FLG2: variants seen among roughly 807,000 people sequenced by gnomAD.
FLG2 encodes filaggrin-2.
A neutral mutation model predicts 3.9 loss-of-function variants in FLG2; 7 were observed. That is an observed-to-expected ratio of 1.79 (90% CI 1.02 to 3.36). The LOEUF (loss-of-function observed/expected upper bound fraction) is 3.36, where lower values mean the gene tolerates loss of function less well. Ranked by LOEUF, FLG2 falls within the 30% of genes most tolerant of loss-of-function variation. The pLI, the probability that FLG2 is intolerant of heterozygous loss-of-function variation, is 0.00. For synonymous variants in FLG2, 1,031 were observed against 1,056.1 expected (o/e 0.98, Z 0.46); for missense variants, 2,700 against 2,809.4 (o/e 0.96, Z 0.88).
In FLG2 at chr1:152,352,067, G is replaced by A; in HGVS notation, c.5719C>T (p.Gln1907Ter). 1 of 1,613,526 alleles carries A rather than the reference G, an allele frequency of 6.2e-7. No homozygotes were observed. The highest frequency in any genetic ancestry group is 8.5e-7 in the Non-Finnish European group (1 of 1,179,896). ...SGHTHSQARS[Q>*]HGESESTVHK... ...ACTGTGGATTCTGACTCTCCATGTT[G>A]AGACCTGGCTTGGCTGTGTGTGTGT... The change falls in exon 3 of 3, where the codon CAA becomes TAA. Residue 1907 changes from glutamine to a stop codon, truncating the protein, a stop_gained. Coordinates refer to ENST00000388718, the MANE Select transcript of FLG2 (RefSeq NM_001014342.3). LOFTEE classifies it low-confidence loss of function (END_TRUNC).
Position 152,351,850 on chromosome 1 carries a change from G to T in FLG2, c.5936C>A (p.Ala1979Asp), listed in dbSNP as rs1164692895. Residue 1979 changes from alanine (A) to aspartate (D), a missense_variant, in exon 3 of 3, where the codon GCT becomes GAT. Physicochemically the swap from Ala to Asp is moderately radical, Grantham distance 126. Transcript: ENST00000388718. ...TCCTGACTCTGGATAGTGAGATCCAGCTTGACCGTGAGTGTGTCCTGAATG... is the reference window on the plus strand; with the variant it reads ...TCCTGACTCTGGATAGTGAGATCCATCTTGACCGTGAGTGTGTCCTGAATG... ...HTHSGHTHGQAGSHYPESGSS... is the reference protein window; with the variant it reads ...HTHSGHTHGQDGSHYPESGSS... The T allele has an allele frequency of 8.1e-6, 13 of 1,612,572 alleles. No individual in the cohort carries two copies. Among genetic ancestry groups the T allele is most frequent in the Non-Finnish European group, 1.1e-5 (13 of 1,179,762 alleles).
rs188198910 is a variant in FLG2, at chr1:152,352,834, G to T, written c.4952C>A (p.Ser1651Tyr). 19 of 1,613,788 alleles carry T rather than the reference G, an allele frequency of 1.2e-5. No individual in the cohort carries two copies. Among genetic ancestry groups the T allele is most frequent in the East Asian group, 4.5e-5 (2 of 44,832 alleles). ...RGSRTTGRQR[S>Y]SHSESSDSEV... ...ACTGTCACTGGACTCACTGTGGCTA[G>T]ATCTCTGTCTTCCAGTTGTCCTGGA... is the stretch of plus-strand genomic sequence containing the variant. Residue 1651 changes from serine (S) to tyrosine (Y), a missense_variant, in exon 3 of 3, where the codon TCT becomes TAT. Ser to Tyr is a moderately radical substitution (Grantham distance 144). Transcript: ENST00000388718.
At position 152,357,111 on chromosome 1, in the gene FLG2, A is replaced by G; in HGVS notation, c.675T>C (p.Ser225=). ...PSRESGEEYE[S]GSGSNSWERK... ...TTTCCCAACTGTTTGATCCAGATCC[A>G]GATTCATACTCCTCCCCAGATTCCC... Residue 225 remains serine (S), a synonymous_variant, in exon 3 of 3, where the codon TCT becomes TCC. Transcript: ENST00000388718. 1.2e-6 allele frequency: 2 copies of G among 1,614,182 alleles called. No homozygotes were observed. Among genetic ancestry groups the G allele is most frequent in the Non-Finnish European group, 1.7e-6 (2 of 1,180,030 alleles).
In FLG2 at chr1:152,354,823, C is replaced by CT; in HGVS notation, c.2962_2963insA (p.Gly988GlufsTer4). 6.2e-7 allele frequency: 1 copy of CT among 1,612,872 alleles called. No homozygotes were observed. The highest frequency in any genetic ancestry group is 8.5e-7 in the Non-Finnish European group (1 of 1,179,740). ...CTGACTTGATCTAGACTCATGCTGT[C>CT]CAAAGCCAGAGGATTTTCCTGAGCC... On this transcript the variant is annotated frameshift_variant, in exon 3 of 3. Transcript: ENST00000388718. LOFTEE classifies it low-confidence loss of function (END_TRUNC).
chr1:152,350,513 G>A lies in FLG2; in HGVS notation c.*97C>T. 1.4e-6 allele frequency: 2 copies of A among 1,432,576 alleles called. No individual in the cohort carries two copies. Among genetic ancestry groups the A allele is most frequent in the South Asian group, 1.4e-5 (1 of 71,324 alleles). The allele number at this position is 1,432,576 out of a possible 1,614,324, so 88.7% of individuals were successfully genotyped here. A position where few individuals can be genotyped will look rare whatever the true frequency, so the allele number is the denominator to read the frequency against. ...GACTGATACTGAGAATCAACTGAAT[G>A]TTCATAACTTACCATTGACTGTTCA... On this transcript the variant is annotated 3_prime_UTR_variant, in exon 3 of 3. Coordinates refer to ENST00000388718, the MANE Select transcript of FLG2 (RefSeq NM_001014342.3).
chr1:152,351,246 G>A lies in FLG2; in HGVS notation c.6540C>T (p.His2180=). Residue 2180 remains histidine, a synonymous_variant, in exon 3 of 3, where the codon CAC becomes CAT. Coordinates refer to ENST00000388718, the MANE Select transcript of FLG2 (RefSeq NM_001014342.3). ...GCACTTCACTATCACTGGACTCACT[G>A]TGACTAGATCTTTGTCTTCCAGTTG... ...SRTTGRQRSS[H]SESSDSEVHS... 1 of 1,613,488 alleles carries A rather than the reference G, an allele frequency of 6.2e-7. No homozygotes were observed. Among genetic ancestry groups the A allele is most frequent in the Non-Finnish European group, 8.5e-7 (1 of 1,179,910 alleles).
At position 152,355,579 on chromosome 1, in the gene FLG2, C is replaced by T. The variant is rs572992221; in HGVS notation, c.2207G>A (p.Gly736Glu). ...SGQSSSFGQH[G>E]SGSGQSSGFG... is the part of the protein sequence containing the mutation. ...GCCAGAGGACTGACCTGAGCCTGAT[C>T]CATGTTGGCCAAAGCTGGAAGACTG... The change falls in exon 3 of 3, where the codon GGA becomes GAA. Residue 736 changes from glycine to glutamate, a missense_variant. Coordinates refer to ENST00000388718, the MANE Select transcript of FLG2 (RefSeq NM_001014342.3). 18 of 1,613,496 alleles carry T rather than the reference C, an allele frequency of 1.1e-5. No individual in the cohort carries two copies. The African/African-American group carries it at 1.6e-4, about 14-fold the overall frequency.
In FLG2 at chr1:152,353,961, G is replaced by A. The variant is rs549569745; in HGVS notation, c.3825C>T (p.Asn1275=). 4.3e-6 allele frequency: 7 copies of A among 1,614,236 alleles called. No individual in the cohort carries two copies. The East Asian group carries it at 1.6e-4, about 36-fold the overall frequency. Residue 1275 remains asparagine, a synonymous_variant, in exon 3 of 3, where the codon AAC becomes AAT. Coordinates refer to ENST00000388718, the MANE Select transcript of FLG2 (RefSeq NM_001014342.3). ...TRRRRSSQSE[N]SDSEVHSKVS... is the part of the protein sequence containing the mutation. ...CCTTTGAGTGCACTTCACTGTCACTGTTCTCACTTTGGCTAGATCTTCGTC... is the reference window on the plus strand; with the variant it reads ...CCTTTGAGTGCACTTCACTGTCACTATTCTCACTTTGGCTAGATCTTCGTC...
Position 152,353,880 on chromosome 1 carries a change from C to A in FLG2, c.3906G>T (p.Lys1302Asn). Residue 1302 changes from lysine to asparagine, a missense_variant, in exon 3 of 3, where the codon AAG becomes AAT. By Grantham distance (94) the Lys-to-Asn change is moderately conservative. Coordinates refer to ENST00000388718, the MANE Select transcript of FLG2 (RefSeq NM_001014342.3). Reference protein sequence around the residue: ...IHTQAGSHYPKSGSTVRRRQG... With the variant: ...IHTQAGSHYPNSGSTVRRRQG... ...GTCTTCTGCGAACTGTGGATCCTGACTTTGGGTAGTGAGATCCAGCTTGTG... is the reference window on the plus strand; with the variant it reads ...GTCTTCTGCGAACTGTGGATCCTGAATTTGGGTAGTGAGATCCAGCTTGTG... The A allele has an allele frequency of 6.2e-7, 1 of 1,614,028 alleles. No homozygotes were observed. The highest frequency in any genetic ancestry group is 8.5e-7 in the Non-Finnish European group (1 of 1,179,968).
Position 152,357,664 on chromosome 1 carries a change from C to G in FLG2, c.139-17G>C, listed in dbSNP as rs779663652. On this transcript the variant is annotated splice_polypyrimidine_tract_variant and intron_variant, in intron 2 of 2. Transcript: ENST00000388718. Reference sequence around the variant, plus strand: ...ATCTGGGTTCTGTATATGAGTGACACACCAAGGGAGACCTGGTCAGCCTAA... The same window carrying G: ...ATCTGGGTTCTGTATATGAGTGACAGACCAAGGGAGACCTGGTCAGCCTAA... The G allele has an allele frequency of 1.3e-6, 2 of 1,588,722 alleles. No individual in the cohort carries two copies. The highest frequency in any genetic ancestry group is 2.3e-5 in the South Asian group (2 of 87,794).
chr1:152,355,364 C>G lies in FLG2; in HGVS notation c.2422G>C (p.Gly808Arg), dbSNP rs745843797. Reference protein sequence around the residue: ...GSGSSQSTGFGQYGSGSGQSA... With the variant: ...GSGSSQSTGFRQYGSGSGQSA... ...TGACCTGAGCCTGATCCATATTGGC[C>G]AAAGCCAGTGGATTGACTTGAGCCT... The change falls in exon 3 of 3, where the codon GGC (glycine) becomes CGC (arginine). Residue 808 changes from glycine to arginine, a missense_variant. Coordinates refer to ENST00000388718, the MANE Select transcript of FLG2 (RefSeq NM_001014342.3). The G allele has an allele frequency of 7.4e-6, 12 of 1,613,718 alleles. No homozygotes were observed. In the East Asian group the frequency reaches 2.5e-4, roughly 33 times the overall value.
chr1:152,355,214 A>G lies in FLG2; in HGVS notation c.2572T>C (p.Tyr858His). 1 of 1,610,452 alleles carries G rather than the reference A, an allele frequency of 6.2e-7. No individual in the cohort carries two copies. The highest frequency in any genetic ancestry group is 1.1e-5 in the South Asian group (1 of 90,558). Reference protein sequence around the residue: ...HGSGSSQSSGYGQHGSSSGQT... With the variant: ...HGSGSSQSSGHGQHGSSSGQT... ...CCCGAACTTGACCCATGTTGACCAT[A>G]GCCAGATGATTGACTTGAGCCAGAA... is the stretch of plus-strand genomic sequence containing the variant. Residue 858 changes from tyrosine to histidine, a missense_variant, in exon 3 of 3, where the codon TAT (tyrosine) becomes CAT (histidine). Transcript: ENST00000388718.
Position 152,356,739 on chromosome 1 carries a change from GGACT to G in FLG2, c.1043_1046del (p.Gln348ProfsTer88), listed in dbSNP as rs770403917. ...TAGCTCCATATCCTCTCTGACTATA[GGACT>G]GACTACAGGGGTTAGACTCAGGTTG... is the stretch of plus-strand genomic sequence containing the variant. On this transcript the variant is annotated frameshift_variant, in exon 3 of 3. Transcript: ENST00000388718. LOFTEE classifies it low-confidence loss of function (END_TRUNC). 5.3e-5 allele frequency: 86 copies of G among 1,614,002 alleles called. No individual in the cohort carries two copies. The Admixed American group carries it at 1.4e-3, about 26-fold the overall frequency.
intron 1 of FLG2, among the ~76,000 whole-genome samples, chr1:152,359,673 A>G (rs1486296372): frequency 6.6e-6 from 1 of 152,188 alleles, no homozygotes; most frequent in Non-Finnish European, 1.5e-5. Flanking sequence ...AAAAGAGGGC[A>G]TGGAAAAAGA....
Position 152,354,400 on chromosome 1 carries a change from C to T in FLG2, c.3386G>A (p.Gly1129Glu). 1 of 1,614,018 alleles carries T rather than the reference C, an allele frequency of 6.2e-7. No individual in the cohort carries two copies. The change falls in exon 3 of 3, where the codon GGA (glycine) becomes GAA (glutamate). Residue 1129 changes from glycine to glutamate, a missense_variant. Physicochemically the swap from Gly to Glu is moderately conservative, Grantham distance 98. Coordinates refer to ENST00000388718, the MANE Select transcript of FLG2 (RefSeq NM_001014342.3). ...TTTACCTGTGCCTGACCCATGTTGT[C>T]CAAAGCCAGAAGACTGACCTGAGCC... ...GSGSGQSSGFGQHGSGTGKSS... is the reference protein window; with the variant it reads ...GSGSGQSSGFEQHGSGTGKSS...
rs1292533164 is a variant in FLG2 at position 152,354,779 on chromosome 1, C to G, written c.3007G>C (p.Gly1003Arg). Reference protein sequence around the residue: ...RSSQSNYGQHGSGSSQSSGYG... With the variant: ...RSSQSNYGQHRSGSSQSSGYG... ...CCAGATGACTGACTTGAGCCAGAAC[C>G]ATGTTGGCCATAATTAGACTGACTT... Residue 1003 changes from glycine to arginine, a missense_variant, in exon 3 of 3, where the codon GGT (glycine) becomes CGT (arginine). Physicochemically the swap from Gly to Arg is moderately radical, Grantham distance 125. Coordinates refer to ENST00000388718, the MANE Select transcript of FLG2 (RefSeq NM_001014342.3). 1.2e-6 allele frequency: 2 copies of G among 1,613,428 alleles called. No homozygotes were observed.
At chr1:152,358,989 AT>A (rs1570946468) in intron 1 of FLG2, 83 bp from the exon 2 acceptor site, 3 of 1,312,324 alleles carry the variant, frequency 2.3e-6, no homozygotes, top group Non-Finnish European at 3.1e-6. Context: ...AACCAGCATG[AT>A]TTTTTTAACC....
intron 2 of FLG2, 24 bp downstream of exon 2, chr1:152,358,723 T>C (rs753642962): frequency 6.2e-7 from 1 of 1,607,788 alleles, no homozygotes; most frequent in Non-Finnish European, 8.5e-7. Context: ...CCAGCAGCCT[T>C]CAGTTCTGGC....
chr1:152,350,744 T>C lies in FLG2; in HGVS notation c.7042A>G (p.Ser2348Gly). The C allele has an allele frequency of 1.2e-6, 2 of 1,614,236 alleles. No homozygotes were observed. Among genetic ancestry groups the C allele is most frequent in the Non-Finnish European group, 1.7e-6 (2 of 1,180,038 alleles). The change falls in exon 3 of 3, where the codon AGC becomes GGC. Residue 2348 changes from serine (S) to glycine (G), a missense_variant. Physicochemically the swap from Ser to Gly is moderately conservative, Grantham distance 56 (BLOSUM62 0). Transcript: ENST00000388718. Reference sequence around the variant, plus strand: ...TAGTCATATTCTGCAGGTCCATAGCTGCCATGTTTCCAAACCTGACTTGAT... The same window carrying C: ...TAGTCATATTCTGCAGGTCCATAGCCGCCATGTTTCCAAACCTGACTTGAT... ...HGSSQVWKHGSYGPAEYDYGH... is the reference protein window; with the variant it reads ...HGSSQVWKHGGYGPAEYDYGH...
Sources: allele counts gnomAD v4.1 joint callset (sites outside exome capture counted in the v4.1 genomes callset), GRCh38; gene constraint gnomAD v4.1.1; transcripts MANE v1.5; gene names NCBI Gene and HGNC (gene_info 2026-07-23, HGNC 2026-07-21).